Variants in CDHR2 observed in about 807,000 individuals in gnomAD.
CDHR2 encodes the protein cadherin-related family member 2.
Under a neutral mutation model 138.6 loss-of-function variants are expected in CDHR2, and 104 were observed. The observed-to-expected ratio is 0.75, with a 90% CI of 0.64 to 0.88. CDHR2 has a LOEUF of 0.88. CDHR2 is among the 40% of genes least tolerant of loss of function. CDHR2 has a pLI of 0.00. For missense variants in CDHR2, 1,624 were observed against 1,727.6 expected (o/e 0.94, Z 1.06); for synonymous variants, 755 against 742.8 (o/e 1.02, Z -0.27).
intron 1 of CDHR2, among the ~76,000 whole-genome samples, chr5:176,554,982 T>C (rs1443366083): frequency 6.6e-6 from 1 of 152,230 alleles, no homozygotes; most frequent in Non-Finnish European, 1.5e-5. Context: ...CATTACGTAG[T>C]GCCCGGCTCA....
chr5:176,560,968 T>A (rs1169972279), intron 1 of CDHR2, among the ~76,000 whole-genome samples: 1 of 117,710 alleles, frequency 8.5e-6, no homozygotes, highest in African/African-American at 2.7e-5. Context: ...AGAACCAGGA[T>A]CTCTGACTGT....
At chr5:176,586,076 T>TA in intron 20 of CDHR2, 51 bp downstream of exon 20, 1 of 1,485,036 alleles carries the variant, frequency 6.7e-7, no homozygotes, top group South Asian at 1.1e-5. Context: ...TAAGGCCGCC[T>TA]TTGAGCAACC....
rs765727050 is a variant in CDHR2, at chr5:176,575,414, G to A, written c.756G>A (p.Glu252=). 9 of 1,614,256 alleles carry A rather than the reference G, an allele frequency of 5.6e-6. No homozygotes were observed. Among genetic ancestry groups the A allele is most frequent in the Admixed American group, 5.0e-5 (3 of 60,028 alleles). ...VREFYSASVA[E]DAAKGTSVLT... ...AGTTTTACTCGGCCTCTGTGGCTGA[G>A]GATGCAGCCAAGGTGCACGGGGGAC... Residue 252 remains glutamate, a synonymous_variant, in exon 9 of 32, where the codon GAG becomes GAA. Transcript: ENST00000261944.
Position 176,584,194 on chromosome 5 carries a change from T to C in CDHR2, c.2063T>C (p.Ile688Thr). The C allele has an allele frequency of 6.2e-7, 1 of 1,613,960 alleles. No individual in the cohort carries two copies. Among genetic ancestry groups the C allele is most frequent in the South Asian group, 1.1e-5 (1 of 91,072 alleles). The change falls in exon 18 of 32, where the codon ATC becomes ACC. Residue 688 changes from isoleucine (I) to threonine (T), a missense_variant. This residue lies in a region of CDHR2 where 1,061 missense variants were observed against 1,136.6 expected (regional missense o/e 0.93). Coordinates refer to ENST00000261944, the MANE Select transcript of CDHR2 (RefSeq NM_017675.6). Reference sequence around the variant, plus strand: ...CAGACCTGTCTCTGACTGCAGGACATCAATGATAACCTGCCCATCTTCAAT... The same window carrying C: ...CAGACCTGTCTCTGACTGCAGGACACCAATGATAACCTGCCCATCTTCAAT... Reference protein sequence around the residue: ...KVNVTITVEDINDNLPIFNQS... With the variant: ...KVNVTITVEDTNDNLPIFNQS...
chr5:176,582,694 A>G (rs577944846), intron 17 of CDHR2, among the ~76,000 whole-genome samples: 1 of 152,292 alleles, frequency 6.6e-6, no homozygotes, highest in African/African-American at 2.4e-5. Flanking sequence ...AGGCAGGTGG[A>G]TCATTTCAGC....
rs115068160 is a variant in CDHR2 at position 176,584,699 on chromosome 5, C to A, written c.2418C>A (p.Pro806=). The part of the protein sequence containing the change: ...VNVKDVNDNP[P]TLDVASLRGI... ...TGAAAGACGTGAACGACAATCCCCC[C>A]ACCCTGGATGTAGCCTCACTCCGGG... The change falls in exon 19 of 32, where the codon CCC becomes CCA. Residue 806 remains proline, a synonymous_variant. Coordinates refer to ENST00000261944, the MANE Select transcript of CDHR2 (RefSeq NM_017675.6). The A allele has an allele frequency of 4.3e-5, 70 of 1,614,168 alleles. No homozygotes were observed. The East Asian group carries it at 1.1e-3, about 26-fold the overall frequency.
At chr5:176,575,702 G>GTTCCAGCTC (rs1396893463) in intron 10 of CDHR2, 22 bp from the exon 11 acceptor site, 13 of 1,591,974 alleles carry the variant, frequency 8.2e-6, no homozygotes, top group Non-Finnish European at 1.1e-5. Flanking sequence ...TGTTCCAGCT[G>GTTCCAGCTC]TTCCGCCTTT....
rs932479241 is a variant in CDHR2 at position 176,575,260 on chromosome 5, G to A, written c.622-20G>A. 5.8e-5 allele frequency: 94 copies of A among 1,614,028 alleles called. No homozygotes were observed. Among genetic ancestry groups the A allele is most frequent in the Non-Finnish European group, 7.5e-5 (89 of 1,180,004 alleles). ...CCTAGGACCCACGGCGCTGGCTCACGGGTGGCCATCTCCCCGCAGGACTTG... is the reference window on the plus strand; with the variant it reads ...CCTAGGACCCACGGCGCTGGCTCACAGGTGGCCATCTCCCCGCAGGACTTG... On this transcript the variant is annotated intron_variant, in intron 8 of 31. Transcript: ENST00000261944.
upstream of CDHR2, among the ~76,000 whole-genome samples, chr5:176,548,398 C>A (rs879299971): frequency 3.3e-5 from 5 of 152,226 alleles, no homozygotes; most frequent in Non-Finnish European, 5.9e-5. Context: ...ATAAGAAGGA[C>A]TTGTGGCTGA....
intron 16 of CDHR2, among the ~76,000 whole-genome samples, chr5:176,581,075 C>T (rs1299849123): frequency 6.6e-6 from 1 of 152,128 alleles, no homozygotes; most frequent in Non-Finnish European, 1.5e-5. Context: ...TCTTTCTTTG[C>T]ACCTGGAACG....
intron 1 of CDHR2, chr5:176,556,667 AAAACAAAC>A (rs570736420): frequency 6.6e-5 from 10 of 152,528 alleles, no homozygotes; most frequent in African/African-American, 2.4e-4. Context: ...TCCGTCTCAA[AAAACAAAC>A]AAACAAACAA....
chr5:176,554,317 C>A (rs1207974281), intron 1 of CDHR2, among the ~76,000 whole-genome samples: 1 of 152,228 alleles, frequency 6.6e-6, no homozygotes, highest in African/African-American at 2.4e-5. Context: ...AGGGAGGAAG[C>A]TGTTTCCATG....
chr5:176,595,512 T>TCCTCTC lies in CDHR2; in HGVS notation c.3793-10_3793-5dup, dbSNP rs753092368. 3 of 1,572,086 alleles carry TCCTCTC rather than the reference T, an allele frequency of 1.9e-6. No individual in the cohort carries two copies. Among genetic ancestry groups the TCCTCTC allele is most frequent in the Non-Finnish European group, 1.7e-6 (2 of 1,157,256 alleles). ...CCCACCTTGCCTTGCCCTTCACACCTCCTCTCCCTCTCCCTGCAGGAGCAC... is the reference window on the plus strand; with the variant it reads ...CCCACCTTGCCTTGCCCTTCACACCTCCTCTCCCTCTCCCTCTCCCTGCAGGAGCAC... On this transcript the variant is annotated intron_variant, in intron 31 of 31. Coordinates refer to ENST00000261944, the MANE Select transcript of CDHR2 (RefSeq NM_017675.6).
intron 30 of CDHR2, among the ~76,000 whole-genome samples, chr5:176,592,360 ATGGTGATGGTGG>A (rs1294122664): frequency 4.8e-5 from 6 of 124,830 alleles, no homozygotes; most frequent in African/African-American, 1.9e-4. Flanking sequence ...GATGGTAGTG[ATGGTGATGGTGG>A]TGGTGATGGT....
intron 6 of CDHR2, among the ~76,000 whole-genome samples, chr5:176,571,528 A>G (rs1322286525): frequency 6.6e-6 from 1 of 152,128 alleles, no homozygotes; most frequent in Non-Finnish European, 1.5e-5. Context: ...AAAGCAAAAA[A>G]AAAAAAGGGA....
upstream of CDHR2, among the ~76,000 whole-genome samples, chr5:176,548,314 A>C (rs1757628827): frequency 6.6e-6 from 1 of 152,234 alleles, no homozygotes; most frequent in Non-Finnish European, 1.5e-5. Context: ...GTGACGACTC[A>C]GTGGTGTGCC....
intron 3 of CDHR2, chr5:176,566,856 C>T (rs369627373): frequency 3.4e-5 from 15 of 445,740 alleles, no homozygotes; most frequent in African/African-American, 2.2e-4. Flanking sequence ...TCTGGTTGGC[C>T]GTGTGCCTAG....
At position 176,584,566 on chromosome 5, in the gene CDHR2, C is replaced by G. The variant is rs749597145; in HGVS notation, c.2285C>G (p.Pro762Arg). 9.9e-6 allele frequency: 16 copies of G among 1,610,700 alleles called. No individual in the cohort carries two copies. Among genetic ancestry groups the G allele is most frequent in the Non-Finnish European group, 1.3e-5 (15 of 1,177,982 alleles). ...GWAEGYLRLP[P>R]DVSLDYETQP... ...GCTGAGGGCTACCTCCGGCTGCCCC[C>G]GGACGTGAGCCTGGATTACGAGACA... The change falls in exon 19 of 32, where the codon CCG (proline) becomes CGG (arginine). Residue 762 changes from proline to arginine, a missense_variant. By Grantham distance (103) the Pro-to-Arg change is moderately radical. Coordinates refer to ENST00000261944, the MANE Select transcript of CDHR2 (RefSeq NM_017675.6).
chr5:176,588,444 TGA>T (rs1354270119), intron 21 of CDHR2, among the ~76,000 whole-genome samples: 8 of 126,496 alleles, frequency 6.3e-5, no homozygotes, highest in Admixed American at 3.4e-4. Context: ...GATAAGTGTG[TGA>T]GTGTGAGAGG....
Sources: allele counts gnomAD v4.1 joint callset (sites outside exome capture counted in the v4.1 genomes callset), GRCh38; gene constraint gnomAD v4.1.1; regional missense constraint gnomAD v4.1.1; transcripts MANE v1.5; gene names NCBI Gene and HGNC (gene_info 2026-07-23, HGNC 2026-07-21).